Variants in TATDN1 observed in about 807,000 individuals in gnomAD.
TATDN1 encodes TatD DNase domain containing 1.
A neutral mutation model predicts 46.4 loss-of-function variants in TATDN1; 40 were observed. The ratio of observed to expected loss-of-function variants is 0.86; its 90% CI spans 0.67 to 1.12. The LOEUF (loss-of-function observed/expected upper bound fraction) is 1.12. Among genes scored for constraint, TATDN1 ranks in the 50% most tolerant of loss-of-function variants. The probability of loss-of-function intolerance (pLI) is 0.00; values close to 1 mark genes in which losing one functional copy is unlikely to be tolerated. For missense variants in TATDN1, 326 were observed against 348.4 expected, an observed-to-expected ratio of 0.94 and a Z score of 0.51; for synonymous variants, 95 against 105.6, an observed-to-expected ratio of 0.90 and a Z score of 0.62.
At chr8:124,529,353 T>C (rs546539343) in intron 1 of TATDN1, among the ~76,000 whole-genome samples, 1 of 152,366 alleles carries the variant, frequency 6.6e-6, no homozygotes, top group Admixed American at 6.5e-5. Context: ...ATTCCCAGGA[T>C]GCTTTGATCT....
chr8:124,493,209 T>C (rs964599696), intron 11 of TATDN1, among the ~76,000 whole-genome samples: 1 of 152,254 alleles, frequency 6.6e-6, no homozygotes, highest in Non-Finnish European at 1.5e-5. Flanking sequence ...GTGTTATAAG[T>C]ATGCCCAATT....
intron 9 of TATDN1, among the ~76,000 whole-genome samples, chr8:124,499,249 T>A (rs1817739398): frequency 6.6e-6 from 1 of 152,176 alleles, no homozygotes; most frequent in African/African-American, 2.4e-5. Context: ...AACAAAATTC[T>A]TATTTTCAGC....
rs754416210 is a variant in TATDN1, at chr8:124,523,022, C to T, written c.23-20G>A. ...CAATATCTGTAGAAAGCAAAAGTCA[C>T]TGATTAATTATTGAGTCTCTACATG... On this transcript the variant is annotated intron_variant, in intron 1 of 11. Coordinates refer to ENST00000276692, the MANE Select transcript of TATDN1 (RefSeq NM_032026.4). The T allele has an allele frequency of 3.7e-5, 59 of 1,604,762 alleles. No individual in the cohort carries two copies. The highest frequency in any genetic ancestry group is 5.1e-5 in the Admixed American group (3 of 59,354).
At chr8:124,491,762 A>G (rs1417996651) in intron 11 of TATDN1, 2 of 152,346 alleles carry the variant, frequency 1.3e-5, no homozygotes, top group African/African-American at 4.8e-5. Flanking sequence ...AAAGACCTCT[A>G]TAAAAATAAT....
chr8:124,518,381 T>G (rs1404115674), intron 4 of TATDN1, among the ~76,000 whole-genome samples: 2 of 135,530 alleles, frequency 1.5e-5, no homozygotes, highest in African/African-American at 5.5e-5. Context: ...AAAATTAGCC[T>G]GGCGTGGTGG....
intron 11 of TATDN1, among the ~76,000 whole-genome samples, chr8:124,490,706 T>C (rs1816909012): frequency 1.3e-5 from 2 of 152,038 alleles, no homozygotes; most frequent in South Asian, 4.1e-4. Flanking sequence ...CCTGAGAATT[T>C]AGTGGCTTTT....
chr8:124,499,071 G>A (rs1013015970), intron 9 of TATDN1, among the ~76,000 whole-genome samples: 11 of 151,204 alleles, frequency 7.3e-5, no homozygotes, highest in Non-Finnish European at 1.6e-4. Flanking sequence ...GAACTCCTGA[G>A]CTCACCCAAC....
At chr8:124,492,677 C>A (rs1413999044) in intron 11 of TATDN1, among the ~76,000 whole-genome samples, 1 of 149,870 alleles carries the variant, frequency 6.7e-6, no homozygotes, top group Non-Finnish European at 1.5e-5. Flanking sequence ...TTGCTTGAAC[C>A]CAGGAGGCGG....
At chr8:124,518,523 C>CAAA (rs11375686) in intron 4 of TATDN1, among the ~76,000 whole-genome samples, 2 of 83,134 alleles carry the variant, frequency 2.4e-5, no homozygotes, top group African/African-American at 7.4e-5. Context: ...GACTCCGTCT[C>CAAA]AAAAAAAAAA....
At chr8:124,512,918 CTTTT>C (rs557807792) in intron 6 of TATDN1, among the ~76,000 whole-genome samples, 1 of 149,194 alleles carries the variant, frequency 6.7e-6, no homozygotes, top group African/African-American at 2.5e-5. Context: ...ACTAGTGTGT[CTTTT>C]TTTTTTCTTT....
At chr8:124,523,027 T>C in intron 1 of TATDN1, 25 bp from the exon 2 acceptor site, 1 of 1,596,828 alleles carries the variant, frequency 6.3e-7, no homozygotes, top group Non-Finnish European at 8.6e-7. Flanking sequence ...AGTCACTGAT[T>C]AATTATTGAG....
At chr8:124,502,427 A>G (rs957273641) in intron 9 of TATDN1, among the ~76,000 whole-genome samples, 1 of 151,964 alleles carries the variant, frequency 6.6e-6, no homozygotes, top group Non-Finnish European at 1.5e-5. Flanking sequence ...AAAAAAATTC[A>G]TTTTCAAAAT....
Position 124,493,875 on chromosome 8 carries a change from C to A in TATDN1, c.749G>T (p.Ser250Ile). Residue 250 changes from serine (S) to isoleucine (I), a missense_variant, in exon 11 of 12, where the codon AGT becomes ATT. Physicochemically the swap from Ser to Ile is moderately radical, Grantham distance 142. Coordinates refer to ENST00000276692, the MANE Select transcript of TATDN1 (RefSeq NM_032026.4). ...ATTTCTGTCTTTTAAGCAGTGCCCA[C>A]TTTCCCACTTCTTTTTGGTAGGAAA... ...TAFPTKKKWE[S>I]GHCLKDRNEP... 6.2e-7 allele frequency: 1 copy of A among 1,611,696 alleles called. No individual in the cohort carries two copies. The highest frequency in any genetic ancestry group is 8.5e-7 in the Non-Finnish European group (1 of 1,179,810).
At chr8:124,503,074 A>G (rs1266031652) in intron 9 of TATDN1, among the ~76,000 whole-genome samples, 1 of 152,236 alleles carries the variant, frequency 6.6e-6, no homozygotes, top group Non-Finnish European at 1.5e-5. Flanking sequence ...GAAATTATAT[A>G]TTTATATAGG....
chr8:124,538,864 G>A, intron 1 of TATDN1, 161 bp downstream of exon 1: 1 of 733,094 alleles, frequency 1.4e-6, no homozygotes, highest in South Asian at 1.5e-5. Context: ...AAGAACCAGA[G>A]CATTACCAGC....
chr8:124,533,882 C>T (rs996352382), intron 1 of TATDN1, among the ~76,000 whole-genome samples: 2 of 152,030 alleles, frequency 1.3e-5, no homozygotes, highest in Non-Finnish European at 2.9e-5. Flanking sequence ...CGCGATGGCT[C>T]ACGCCTATAA....
At chr8:124,514,429 C>A (rs1819284636) in intron 6 of TATDN1, among the ~76,000 whole-genome samples, 1 of 152,150 alleles carries the variant, frequency 6.6e-6, no homozygotes, top group Non-Finnish European at 1.5e-5. Context: ...AAGAGAGAAT[C>A]TGATCCTAAT....
chr8:124,520,801 G>A (rs1819966188), intron 3 of TATDN1, among the ~76,000 whole-genome samples: 1 of 151,770 alleles, frequency 6.6e-6, no homozygotes, highest in Non-Finnish European at 1.5e-5. Context: ...AAATTAGCCG[G>A]GTGTGGTGGC....
intron 1 of TATDN1, among the ~76,000 whole-genome samples, chr8:124,531,654 T>C (rs1209950476): frequency 2.0e-5 from 3 of 152,164 alleles, no homozygotes; most frequent in African/African-American, 7.2e-5. Flanking sequence ...CAAAATTTAA[T>C]CTGTGGGATG....
Sources: gnomAD v4.1 joint callset for allele counts (sites outside exome capture counted in the v4.1 genomes callset) on GRCh38, gnomAD v4.1.1 for gene constraint, MANE v1.5 for transcripts, NCBI Gene and HGNC (gene_info 2026-07-23, HGNC 2026-07-21) for gene names.